The following CNTNAP5 variants were observed in gnomAD, a reference collection of about 807,000 sequenced individuals.
CNTNAP5 encodes contactin-associated protein-like 5.
Under a neutral mutation model 150.2 loss-of-function variants are expected in CNTNAP5, and 72 were observed. That is an observed-to-expected ratio of 0.48 (90% CI 0.40 to 0.58). The LOEUF (loss-of-function observed/expected upper bound fraction) is 0.58, where lower values mean the gene tolerates loss of function less well. CNTNAP5 is among the 20% of genes least tolerant of loss of function. The probability of loss-of-function intolerance (pLI) is 0.00; values close to 1 mark genes in which losing one functional copy is unlikely to be tolerated. For synonymous variants in CNTNAP5, 672 were observed against 619.8 expected (o/e 1.08, Z -1.25); for missense variants, 1,636 against 1,626.2 (o/e 1.01, Z -0.10).
At chr2:124,195,217 G>C (rs916061470) in intron 1 of CNTNAP5, among the ~76,000 whole-genome samples, 14 of 152,188 alleles carry the variant, frequency 9.2e-5, no homozygotes, top group Non-Finnish European at 1.6e-4. Flanking sequence ...GGCCAAGCTG[G>C]AGAGCCAGGT....
intron 10 of CNTNAP5, among the ~76,000 whole-genome samples, chr2:124,546,355 G>T (rs1695509789): frequency 8.0e-6 from 1 of 125,366 alleles, no homozygotes; most frequent in South Asian, 2.7e-4. Context: ...TTTACTGCAG[G>T]ATTTCTCAAT....
At chr2:124,085,896 G>A (rs965065990) in intron 1 of CNTNAP5, among the ~76,000 whole-genome samples, 1 of 152,084 alleles carries the variant, frequency 6.6e-6, no homozygotes, top group Non-Finnish European at 1.5e-5. Context: ...AACTTGTTGA[G>A]GTTTGTTTAG....
At chr2:124,585,271 A>G (rs185717378) in intron 11 of CNTNAP5, among the ~76,000 whole-genome samples, 2 of 152,294 alleles carry the variant, frequency 1.3e-5, no homozygotes, top group East Asian at 3.9e-4. Context: ...TGAGAATCAC[A>G]TGGGAAGTTC....
At chr2:124,588,184 CTTTCTTTCTTTCT>C (rs1558966070) in intron 11 of CNTNAP5, among the ~76,000 whole-genome samples, 7,765 of 114,986 alleles carry the variant, frequency 0.068, 452 homozygotes, top group Admixed American at 0.095. Context: ...TTCCTTCTTT[CTTTCTTTCTTTCT>C]TTCTTTCTTT....
At chr2:124,473,950 T>C (rs1403500280) in intron 6 of CNTNAP5, among the ~76,000 whole-genome samples, 19 of 151,842 alleles carry the variant, frequency 1.3e-4, no homozygotes, top group Non-Finnish European at 2.8e-4. Context: ...TTAAATTAGG[T>C]TGGTGCAAAT....
intron 3 of CNTNAP5, among the ~76,000 whole-genome samples, chr2:124,411,187 T>C (rs1691751133): frequency 6.6e-6 from 1 of 152,072 alleles, no homozygotes; most frequent in African/African-American, 2.4e-5. Flanking sequence ...CAGGAAGAAG[T>C]TGAATCTGAA....
intron 5 of CNTNAP5, 77 bp from the exon 6 acceptor site, chr2:124,446,676 T>A (rs1423497106): frequency 2.8e-6 from 4 of 1,421,268 alleles, no homozygotes; most frequent in Non-Finnish European, 2.9e-6. Flanking sequence ...TATAGCTGCT[T>A]TTGCTTGTGG....
intron 3 of CNTNAP5, among the ~76,000 whole-genome samples, chr2:124,246,843 A>G (rs770607208): frequency 1.2e-4 from 18 of 152,054 alleles, no homozygotes; most frequent in Admixed American, 4.6e-4. Flanking sequence ...TGAATATTCT[A>G]TATTTTATTA....
At chr2:124,855,682 A>T (rs17012089) in intron 19 of CNTNAP5, among the ~76,000 whole-genome samples, 29,458 of 152,180 alleles carry the variant, frequency 0.19, 3,495 homozygotes, top group African/African-American at 0.33. Context: ...TTGAACTTTT[A>T]AATTTAATTA....
At chr2:124,578,920 A>T (rs1696352713) in intron 11 of CNTNAP5, among the ~76,000 whole-genome samples, 2 of 152,032 alleles carry the variant, frequency 1.3e-5, no homozygotes. Context: ...TTCTTTGCTT[A>T]TGCCTCTATG....
intron 1 of CNTNAP5, among the ~76,000 whole-genome samples, chr2:124,062,340 C>A (rs2104654820): frequency 6.6e-6 from 1 of 152,268 alleles, no homozygotes; most frequent in East Asian, 1.9e-4. Flanking sequence ...TTTTCTTTGG[C>A]TCAGAATGCT....
intron 13 of CNTNAP5, among the ~76,000 whole-genome samples, chr2:124,709,706 A>T (rs79967661): frequency 6.6e-6 from 1 of 152,170 alleles, no homozygotes; most frequent in African/African-American, 2.4e-5. Context: ...GTCCTAATCA[A>T]TAGTAAAGTG....
At chr2:124,553,961 C>T (rs1025904337) in intron 10 of CNTNAP5, among the ~76,000 whole-genome samples, 9 of 152,058 alleles carry the variant, frequency 5.9e-5, no homozygotes, top group African/African-American at 1.7e-4. Context: ...AGGCAGGTGC[C>T]GATGGGAGTG....
intron 13 of CNTNAP5, among the ~76,000 whole-genome samples, chr2:124,732,787 AT>A (rs1313773901): frequency 4.6e-5 from 7 of 152,176 alleles, no homozygotes; most frequent in Non-Finnish European, 1.0e-4. Context: ...ATGTGTATTA[AT>A]TAGTTGATGA....
intron 3 of CNTNAP5, among the ~76,000 whole-genome samples, chr2:124,343,967 G>A (rs1236157066): frequency 6.6e-6 from 1 of 152,066 alleles, no homozygotes; most frequent in Non-Finnish European, 1.5e-5. Flanking sequence ...ATACTAACCG[G>A]TTCTTGTTGA....
chr2:124,228,777 A>T (rs1686535208), intron 2 of CNTNAP5, among the ~76,000 whole-genome samples: 3 of 152,140 alleles, frequency 2.0e-5, no homozygotes, highest in Admixed American at 2.0e-4. Flanking sequence ...TACACCATTC[A>T]GCCTTCCAAC....
intron 22 of CNTNAP5, among the ~76,000 whole-genome samples, chr2:124,904,749 A>T (rs1459235870): frequency 2.0e-5 from 3 of 152,128 alleles, no homozygotes; most frequent in Non-Finnish European, 4.4e-5. Flanking sequence ...AACCTTAAAT[A>T]TAAGACCTGA....
Position 124,609,228 on chromosome 2 carries a change from G to A in CNTNAP5, c.1757-573G>A, listed in dbSNP as rs76137492. ...AGCAAAGAGGAGGGCCATGTAAGAG[G>A]TGAGGGGCCACATTTTGAGAGGCAT... On this transcript the variant is annotated intron_variant, in intron 11 of 23. Coordinates refer to ENST00000682447, the MANE Select transcript of CNTNAP5 (RefSeq NM_001367498.1). Among the ~76,000 whole-genome samples the A allele has an allele frequency of 4.0e-3, 609 of 152,256 alleles. 11 individuals carry two copies. The East Asian group carries it at 0.047, about 12-fold the overall frequency.
rs72962843 is a variant in CNTNAP5 at position 124,243,406 on chromosome 2, T to C, written c.381+1013T>C. Among the ~76,000 whole-genome samples the C allele has an allele frequency of 8.4e-3, 1,272 of 152,254 alleles. 17 individuals carry two copies. Among genetic ancestry groups the C allele is most frequent in the African/African-American group, 0.029 (1,207 of 41,554 alleles). On this transcript the variant is annotated intron_variant, in intron 3 of 23. Transcript: ENST00000682447. Reference sequence around the variant, plus strand: ...ATGAAATAACTTCTGTTTTATATACTCATTGTTATTTGTTAATTGCCTACC... The same window carrying C: ...ATGAAATAACTTCTGTTTTATATACCCATTGTTATTTGTTAATTGCCTACC...
Sources: gnomAD v4.1 joint callset for allele counts (sites outside exome capture counted in the v4.1 genomes callset) on GRCh38, gnomAD v4.1.1 for gene constraint, MANE v1.5 for transcripts, NCBI Gene and HGNC (gene_info 2026-07-23, HGNC 2026-07-21) for gene names.